The following COBL variants were observed in gnomAD, a reference collection of about 807,000 sequenced individuals.
COBL encodes protein cordon-bleu.
A neutral mutation model predicts 98.8 loss-of-function variants in COBL; 51 were observed. The ratio of observed to expected loss-of-function variants is 0.52; its 90% CI spans 0.41 to 0.65. COBL has a LOEUF of 0.65. Ranked by LOEUF, COBL falls within the 30% of genes least tolerant of loss-of-function variation. The probability of loss-of-function intolerance (pLI) is 0.00; values close to 1 mark genes in which losing one functional copy is unlikely to be tolerated. For missense variants in COBL, 1,617 were observed against 1,617.5 expected, an observed-to-expected ratio of 1.00 and a Z score of 0.01; for synonymous variants, 634 against 651.7, an observed-to-expected ratio of 0.97 and a Z score of 0.41.
At chr7:51,213,553 C>T (rs1206559582) in intron 2 of COBL, among the ~76,000 whole-genome samples, 1 of 152,082 alleles carries the variant, frequency 6.6e-6, no homozygotes, top group Non-Finnish European at 1.5e-5. Flanking sequence ...GGGCCCTACA[C>T]AAAGGGACAC....
intron 7 of COBL, among the ~76,000 whole-genome samples, chr7:51,061,946 TAGATACACAC>T (rs751278175): frequency 1.0e-5 from 1 of 96,056 alleles, no homozygotes; most frequent in African/African-American, 3.6e-5. Context: ...CTCCCCACCA[TAGATACACAC>T]ACACACACAC....
chr7:51,048,447 A>G (rs1426887887), intron 7 of COBL, among the ~76,000 whole-genome samples: 1 of 152,196 alleles, frequency 6.6e-6, no homozygotes, highest in African/African-American at 2.4e-5. Flanking sequence ...TTTGCCATTT[A>G]AAAATATAAA....
intron 7 of COBL, among the ~76,000 whole-genome samples, 170 bp from the exon 8 acceptor site, chr7:51,043,862 A>C: frequency 6.6e-6 from 1 of 152,194 alleles, no homozygotes; most frequent in Admixed American, 6.5e-5. Flanking sequence ...AAACATTTTA[A>C]CTCACAGGGA....
intron 1 of COBL, among the ~76,000 whole-genome samples, chr7:51,265,383 G>A (rs1312782321): frequency 6.6e-6 from 1 of 152,190 alleles, no homozygotes; most frequent in Middle Eastern, 3.2e-3. Context: ...AGCACGCCCA[G>A]CCACACCCAC....
intron 1 of COBL, among the ~76,000 whole-genome samples, chr7:51,307,383 A>AAAAAC (rs1802587633): frequency 5.1e-5 from 5 of 98,152 alleles, no homozygotes; most frequent in Non-Finnish European, 1.3e-4. Context: ...AAAACAAAAA[A>AAAAAC]AGGAGAGGAC....
intron 6 of COBL, among the ~76,000 whole-genome samples, chr7:51,095,123 C>T (rs1795156016): frequency 6.6e-6 from 1 of 152,194 alleles, no homozygotes; most frequent in African/African-American, 2.4e-5. Context: ...AATTAACTTA[C>T]AGTTCCACAT....
chr7:51,295,873 C>T (rs747219029), intron 1 of COBL, among the ~76,000 whole-genome samples: 9 of 152,342 alleles, frequency 5.9e-5, no homozygotes, highest in African/African-American at 1.2e-4. Flanking sequence ...AAAACCCTCA[C>T]TGAGTAATCC....
At chr7:51,297,359 C>A in intron 1 of COBL, among the ~76,000 whole-genome samples, 1 of 149,876 alleles carries the variant, frequency 6.7e-6, no homozygotes, top group African/African-American at 2.5e-5. Context: ...TTGTTCTTAA[C>A]ATGGTAAGCT....
chr7:51,019,443 G>A (rs1786701240), intron 12 of COBL, among the ~76,000 whole-genome samples: 1 of 152,182 alleles, frequency 6.6e-6, no homozygotes, highest in East Asian at 1.9e-4. Context: ...GAAAAATTAT[G>A]TGACGCTGTA....
intron 1 of COBL, among the ~76,000 whole-genome samples, chr7:51,235,004 T>C (rs1795110199): frequency 6.6e-6 from 1 of 152,142 alleles, no homozygotes; most frequent in African/African-American, 2.4e-5. Context: ...CCAAAAGTTC[T>C]GTTCCCTCCA....
At chr7:51,181,506 G>A (rs1023125255) in intron 5 of COBL, among the ~76,000 whole-genome samples, 3 of 152,214 alleles carry the variant, frequency 2.0e-5, no homozygotes, top group Non-Finnish European at 4.4e-5. Context: ...AAACTAGTGA[G>A]AATCCTTGTC....
At position 51,085,152 on chromosome 7, in the gene COBL, C is replaced by T. The variant is rs1440859260; in HGVS notation, c.1096+14G>A. 23 of 1,613,546 alleles carry T rather than the reference C, an allele frequency of 1.4e-5. No homozygotes were observed. The highest frequency in any genetic ancestry group is 1.7e-5 in the Non-Finnish European group (20 of 1,179,908). ...GCATCCCCGCATGCAGACGGCAGGC[C>T]GAGCCTCACTCACCCATCGTGCTCT... On this transcript the variant is annotated intron_variant, in intron 7 of 12. Coordinates refer to ENST00000265136, the MANE Select transcript of COBL (RefSeq NM_015198.5).
At chr7:51,266,144 AAATT>A (rs1340365910) in intron 1 of COBL, among the ~76,000 whole-genome samples, 3 of 152,260 alleles carry the variant, frequency 2.0e-5, no homozygotes, top group African/African-American at 7.2e-5. Flanking sequence ...ACATGTGGGC[AAATT>A]AATTACAAAA....
chr7:51,017,358 C>A lies in COBL; in HGVS notation c.*193G>T. ...ACACATTTCCTTGGCACACGAGCTGCGCAGCGACACAGCATCTTCTCCTTT... is the reference window on the plus strand; with the variant it reads ...ACACATTTCCTTGGCACACGAGCTGAGCAGCGACACAGCATCTTCTCCTTT... On this transcript the variant is annotated 3_prime_UTR_variant, in exon 13 of 13. Coordinates refer to ENST00000265136, the MANE Select transcript of COBL (RefSeq NM_015198.5). 1 of 626,902 alleles carries A rather than the reference C, an allele frequency of 1.6e-6. No individual in the cohort carries two copies. The highest frequency in any genetic ancestry group is 2.7e-5 in the East Asian group (1 of 36,838). The allele number at this position is 626,902 out of a possible 1,614,324, so 38.8% of individuals were successfully genotyped here.
intron 5 of COBL, among the ~76,000 whole-genome samples, chr7:51,144,545 A>G (rs1021252582): frequency 7.2e-5 from 11 of 152,234 alleles, no homozygotes; most frequent in Admixed American, 3.3e-4. Flanking sequence ...AATGTGTGTA[A>G]TAACATAAAA....
At chr7:51,180,048 A>G (rs574985226) in intron 5 of COBL, among the ~76,000 whole-genome samples, 2 of 152,338 alleles carry the variant, frequency 1.3e-5, no homozygotes, top group African/African-American at 4.8e-5. Flanking sequence ...ATTCTACCTG[A>G]TTTCTCCAAA....
At position 51,155,976 on chromosome 7, in the gene COBL, A is replaced by G. The variant is rs528378264; in HGVS notation, c.784-19645T>C. Among the ~76,000 whole-genome samples, 3 of 152,320 alleles carry G rather than the reference A, an allele frequency of 2.0e-5. No homozygotes were observed. In the South Asian group the frequency reaches 6.2e-4, roughly 32 times the overall value. On this transcript the variant is annotated intron_variant, in intron 5 of 12. Coordinates refer to ENST00000265136, the MANE Select transcript of COBL (RefSeq NM_015198.5). ...CAAGGAAATTCAAATGCAACTGGGA[A>G]TCATAGTTTCTCCATAAACCACTGT... is the stretch of plus-strand genomic sequence containing the variant.
intron 5 of COBL, among the ~76,000 whole-genome samples, chr7:51,158,579 A>T (rs571031715): frequency 6.6e-6 from 1 of 152,336 alleles, no homozygotes; most frequent in East Asian, 1.9e-4. Context: ...AGAAGATCCC[A>T]GTCTCCAGGG....
In COBL at chr7:51,263,570, CCCCACTTTGGTGGGGAATTATGGAG is replaced by C. The variant is rs1320594008; in HGVS notation, c.42-43651_42-43627del. Among the ~76,000 whole-genome samples, 100 of 151,850 alleles carry C rather than the reference CCCCACTTTGGTGGGGAATTATGGAG, an allele frequency of 6.6e-4. 1 individual carries two copies. Among genetic ancestry groups the C allele is most frequent in the African/African-American group, 2.4e-3 (100 of 41,410 alleles). On this transcript the variant is annotated intron_variant, in intron 1 of 12. Coordinates refer to ENST00000265136, the MANE Select transcript of COBL (RefSeq NM_015198.5). ...TTTTTTTCACACAGTGGGTGGAGGT[CCCCACTTTGGTGGGGAATTATGGAG>C]CCCACACCTGAGTGCTTTTAGTTGA... is the stretch of plus-strand genomic sequence containing the variant.
Sources: gnomAD v4.1 joint callset for allele counts (sites outside exome capture counted in the v4.1 genomes callset) on GRCh38, gnomAD v4.1.1 for gene constraint, MANE v1.5 for transcripts, NCBI Gene and HGNC (gene_info 2026-07-23, HGNC 2026-07-21) for gene names.